The following ATG10 variants were observed in gnomAD, a reference collection of about 807,000 sequenced individuals.
ATG10 encodes the protein ubiquitin-like-conjugating enzyme ATG10.
Under a neutral mutation model 32.1 loss-of-function variants are expected in ATG10, and 30 were observed. The ratio of observed to expected loss-of-function variants is 0.94; its 90% CI spans 0.70 to 1.27. The LOEUF is 1.27. Ranked by LOEUF, ATG10 falls within the 50% of genes most tolerant of loss-of-function variation. The pLI is 0.00. For synonymous variants in ATG10, 87 were observed against 91.5 expected (o/e 0.95, Z 0.28); for missense variants, 233 against 262.3 (o/e 0.89, Z 0.77).
rs115281550 is a variant in ATG10, at chr5:82,117,413, A to G, written c.217-46986A>G. On this transcript the variant is annotated intron_variant, in intron 3 of 7. Coordinates refer to ENST00000282185, the MANE Select transcript of ATG10 (RefSeq NM_031482.5). The stretch of plus-strand genomic sequence containing the variant: ...ATTTATGCAAGTCATCTGTCAATCA[A>G]CTTTGAAGTTATTTGTGATTCCATT... Among the ~76,000 whole-genome samples, 1,142 of 152,184 alleles carry G rather than the reference A, an allele frequency of 7.5e-3. 14 individuals are homozygous for G. The highest frequency in any genetic ancestry group is 0.026 in the African/African-American group (1,063 of 41,562).
chr5:82,147,234 T>C, intron 3 of ATG10: 1 of 235,988 alleles, frequency 4.2e-6, no homozygotes, highest in South Asian at 4.0e-5. Flanking sequence ...AGTTGCGTGA[T>C]CTCAGCTCAC....
intron 5 of ATG10, among the ~76,000 whole-genome samples, chr5:82,252,268 T>C (rs1747282323): frequency 6.6e-6 from 1 of 152,184 alleles, no homozygotes; most frequent in South Asian, 2.1e-4. Flanking sequence ...AGAGAAACAC[T>C]GGCCAACAGA....
chr5:82,165,630 G>A (rs1186482767), intron 4 of ATG10, among the ~76,000 whole-genome samples: 1 of 152,184 alleles, frequency 6.6e-6, no homozygotes, highest in Non-Finnish European at 1.5e-5. Context: ...GGAGGACACT[G>A]ATAGTTCACT....
At chr5:82,096,415 C>T (rs1019348188) in intron 3 of ATG10, among the ~76,000 whole-genome samples, 11 of 152,166 alleles carry the variant, frequency 7.2e-5, no homozygotes, top group African/African-American at 2.7e-4. Context: ...AAACCCTCCC[C>T]CTCTGAATAT....
At chr5:82,132,002 A>G (rs890102794) in intron 3 of ATG10, among the ~76,000 whole-genome samples, 1 of 152,042 alleles carries the variant, frequency 6.6e-6, no homozygotes, top group Non-Finnish European at 1.5e-5. Context: ...ATTTAACAAG[A>G]TCTTGTGGGA....
intron 2 of ATG10, chr5:82,010,244 A>T (rs917474074): frequency 7.1e-6 from 5 of 706,508 alleles, no homozygotes; most frequent in Middle Eastern, 4.1e-4. Context: ...ATAACCAATT[A>T]TTTCACTTCC....
intron 4 of ATG10, among the ~76,000 whole-genome samples, chr5:82,177,120 A>G (rs1274264401): frequency 1.3e-5 from 2 of 152,148 alleles, no homozygotes; most frequent in South Asian, 2.1e-4. Context: ...GAGATTCCTG[A>G]TATTTATTGA....
Position 82,054,434 on chromosome 5 carries a change from A to G in ATG10, c.109-4061A>G, listed in dbSNP as rs533270877. On this transcript the variant is annotated intron_variant, in intron 2 of 7. Coordinates refer to ENST00000282185, the MANE Select transcript of ATG10 (RefSeq NM_031482.5). Reference sequence around the variant, plus strand: ...ATGCTGTGGCTGGTCCCCAGACCACACTTGAGTGGCTTGAGTTTGTTACTT... The same window carrying G: ...ATGCTGTGGCTGGTCCCCAGACCACGCTTGAGTGGCTTGAGTTTGTTACTT... Among the ~76,000 whole-genome samples the G allele has an allele frequency of 1.3e-3, 193 of 152,282 alleles. 1 individual carries two copies. Among genetic ancestry groups the G allele is most frequent in the Admixed American group, 5.8e-3 (89 of 15,286 alleles).
intron 3 of ATG10, among the ~76,000 whole-genome samples, chr5:82,152,555 G>A (rs1004613640): frequency 1.8e-4 from 27 of 152,130 alleles, no homozygotes; most frequent in African/African-American, 6.5e-4. Flanking sequence ...AGCCAAATAG[G>A]CAAGAAGCTC....
intron 3 of ATG10, among the ~76,000 whole-genome samples, chr5:82,145,042 G>C (rs1047961828): frequency 3.3e-5 from 5 of 151,928 alleles, no homozygotes; most frequent in Non-Finnish European, 7.4e-5. Context: ...AAGTATCCCT[G>C]TTTATCTTCA....
intron 3 of ATG10, among the ~76,000 whole-genome samples, chr5:82,140,711 G>A (rs1249396249): frequency 3.2e-5 from 1 of 30,786 alleles, no homozygotes; most frequent in African/African-American, 1.1e-4. Flanking sequence ...CCACCACCCC[G>A]TCTGGGAGGT....
chr5:82,125,118 C>A (rs972846498), intron 3 of ATG10, among the ~76,000 whole-genome samples: 10 of 152,170 alleles, frequency 6.6e-5, no homozygotes, highest in African/African-American at 2.2e-4. Flanking sequence ...ATATCCTTCA[C>A]CCACTTTTTG....
At chr5:81,993,369 T>TTTC (rs1554039351) in intron 2 of ATG10, among the ~76,000 whole-genome samples, 2,390 of 37,580 alleles carry the variant, frequency 0.064, 141 homozygotes, top group African/African-American at 0.12. Context: ...CCTTCTTTTC[T>TTTC]TTTCTTTTCT....
At chr5:82,120,787 A>G (rs1394697643) in intron 3 of ATG10, among the ~76,000 whole-genome samples, 4 of 152,160 alleles carry the variant, frequency 2.6e-5, no homozygotes, top group African/African-American at 7.2e-5. Flanking sequence ...CCTCAAAGGA[A>G]CTGTTATTGC....
At chr5:82,213,991 T>G (rs1321542325) in intron 5 of ATG10, among the ~76,000 whole-genome samples, 1 of 152,232 alleles carries the variant, frequency 6.6e-6, no homozygotes, top group Non-Finnish European at 1.5e-5. Flanking sequence ...AATGTGATCC[T>G]GACTACTTTG....
intron 2 of ATG10, among the ~76,000 whole-genome samples, chr5:81,988,207 G>A (rs1761346167): frequency 6.6e-6 from 1 of 152,172 alleles, no homozygotes; most frequent in African/African-American, 2.4e-5. Flanking sequence ...CATGATCTTG[G>A]CTCACTGCAA....
chr5:82,127,926 G>A (rs891690093), intron 3 of ATG10, among the ~76,000 whole-genome samples: 1 of 152,098 alleles, frequency 6.6e-6, no homozygotes, highest in East Asian at 1.9e-4. Context: ...AAGTCTCTTT[G>A]TAGGTCTCTA....
At chr5:82,107,008 T>C (rs1271494153) in intron 3 of ATG10, among the ~76,000 whole-genome samples, 21 of 152,080 alleles carry the variant, frequency 1.4e-4, no homozygotes. Flanking sequence ...TGTAACCAAG[T>C]GTTCCTCTCT....
chr5:82,092,993 A>G (rs915788336), intron 3 of ATG10, among the ~76,000 whole-genome samples: 6 of 152,166 alleles, frequency 3.9e-5, no homozygotes, highest in African/African-American at 1.4e-4. Context: ...CAGAAACTCA[A>G]GATCCCGATA....
Sources: gnomAD v4.1 joint callset for allele counts (sites outside exome capture counted in the v4.1 genomes callset) on GRCh38, gnomAD v4.1.1 for gene constraint, MANE v1.5 for transcripts, NCBI Gene and HGNC (gene_info 2026-07-23, HGNC 2026-07-21) for gene names.